NR3C2: variants seen among roughly 807,000 people sequenced by gnomAD.
NR3C2 encodes the protein mineralocorticoid receptor.
NR3C2 carries 15 observed loss-of-function variants against 86.4 expected under a neutral mutation model. The ratio of observed to expected loss-of-function variants is 0.17; its 90% CI spans 0.12 to 0.27. The LOEUF (loss-of-function observed/expected upper bound fraction) is 0.27, where lower values mean the gene tolerates loss of function less well. NR3C2 is among the 10% of genes least tolerant of loss of function. The pLI is 1.00. For synonymous variants in NR3C2, 458 were observed against 450.5 expected (o/e 1.02, Z -0.21); for missense variants, 960 against 1,195.6 (o/e 0.80, Z 2.91).
intron 2 of NR3C2, among the ~76,000 whole-genome samples, chr4:148,421,045 G>A (rs1749257181): frequency 6.6e-6 from 1 of 152,130 alleles, no homozygotes; most frequent in African/African-American, 2.4e-5. Flanking sequence ...ATACACCCAG[G>A]ACTAGGCTTT....
At chr4:148,345,257 A>T (rs934061664) in intron 2 of NR3C2, among the ~76,000 whole-genome samples, 5 of 151,970 alleles carry the variant, frequency 3.3e-5, no homozygotes, top group African/African-American at 1.2e-4. Context: ...GTTTTTTTTT[A>T]ATTTCAGAGA....
intron 2 of NR3C2, among the ~76,000 whole-genome samples, chr4:148,294,119 G>A (rs1252148816): frequency 6.6e-6 from 1 of 152,040 alleles, no homozygotes; most frequent in African/African-American, 2.4e-5. Context: ...TATCTCCATG[G>A]GCAAAAGGAG....
intron 3 of NR3C2, among the ~76,000 whole-genome samples, chr4:148,259,642 G>A (rs998692174): frequency 6.6e-6 from 1 of 152,144 alleles, no homozygotes; most frequent in African/African-American, 2.4e-5. Context: ...TGTATTCTGT[G>A]TGTGCCTAGT....
rs772532598 is a variant in NR3C2, at chr4:148,435,466, G to T, written c.1395C>A (p.Asp465Glu). ...GSYFSFMDDK[D>E]YYSLSGILGP... ...CTAAAATTCCTGATAGGGAATAATA[G>T]TCTTTATCATCCATAAAGGAAAAAT... The change falls in exon 2 of 9, where the codon GAC becomes GAA. Residue 465 changes from aspartate to glutamate, a missense_variant. By Grantham distance (45) the Asp-to-Glu change is conservative. Coordinates refer to ENST00000358102, the MANE Select transcript of NR3C2 (RefSeq NM_000901.5). 1 of 1,614,018 alleles carries T rather than the reference G, an allele frequency of 6.2e-7. No homozygotes were observed. The highest frequency in any genetic ancestry group is 8.5e-7 in the Non-Finnish European group (1 of 1,180,022).
chr4:148,378,125 C>T (rs1746771195), intron 2 of NR3C2, among the ~76,000 whole-genome samples: 1 of 152,098 alleles, frequency 6.6e-6, no homozygotes, highest in African/African-American at 2.4e-5. Flanking sequence ...TGAGTATGAA[C>T]CAGGAAGATT....
intron 8 of NR3C2, among the ~76,000 whole-genome samples, chr4:148,094,864 C>T (rs1291135445): frequency 6.6e-6 from 1 of 151,698 alleles, no homozygotes; most frequent in Non-Finnish European, 1.5e-5. Context: ...TATTATTCAG[C>T]CTCAAAAAGA....
intron 8 of NR3C2, among the ~76,000 whole-genome samples, chr4:148,097,741 GTTTTTTTTTGT>G (rs869069438): frequency 3.7e-5 from 4 of 107,502 alleles, no homozygotes; most frequent in East Asian, 2.4e-4. Flanking sequence ...ACTTTTTTGC[GTTTTTTTTTGT>G]TTTTTTTTTT....
At chr4:148,193,089 G>A (rs372990383) in intron 4 of NR3C2, among the ~76,000 whole-genome samples, 3 of 152,170 alleles carry the variant, frequency 2.0e-5, no homozygotes, top group Admixed American at 6.5e-5. Flanking sequence ...CCACCCTCCC[G>A]ATGGATCCCT....
At chr4:148,417,378 A>G (rs1297436076) in intron 2 of NR3C2, among the ~76,000 whole-genome samples, 2 of 152,190 alleles carry the variant, frequency 1.3e-5, no homozygotes, top group Admixed American at 1.3e-4. Context: ...CAAGAGTCAG[A>G]TATGTGTTCA....
Position 148,120,185 on chromosome 4 carries a change from T to C in NR3C2, c.2614A>G (p.Met872Val). ...GTGCTTAGTAGCAGCAAAACTTTCATGATGGTGTATTCTTCAAAGGTGAGC... is the reference window on the plus strand; with the variant it reads ...GTGCTTAGTAGCAGCAAAACTTTCACGATGGTGTATTCTTCAAAGGTGAGC... Reference protein sequence around the residue: ...LQLTFEEYTIMKVLLLLSTIP... With the variant: ...LQLTFEEYTIVKVLLLLSTIP... The change falls in exon 7 of 9, where the codon ATG becomes GTG. Residue 872 changes from methionine (M) to valine (V), a missense_variant. Met to Val is a conservative substitution (Grantham distance 21). Transcript: ENST00000358102. 1 of 1,614,168 alleles carries C rather than the reference T, an allele frequency of 6.2e-7. No homozygotes were observed. Among genetic ancestry groups the C allele is most frequent in the Non-Finnish European group, 8.5e-7 (1 of 1,180,004 alleles).
intron 3 of NR3C2, among the ~76,000 whole-genome samples, chr4:148,229,808 C>T (rs770072841): frequency 5.9e-5 from 9 of 152,158 alleles, no homozygotes; most frequent in Non-Finnish European, 1.2e-4. Context: ...GTTAAAGGGA[C>T]ATTGTAGTGG....
intron 2 of NR3C2, among the ~76,000 whole-genome samples, chr4:148,295,534 G>A (rs1742006018): frequency 6.8e-6 from 1 of 147,702 alleles, no homozygotes; most frequent in South Asian, 2.2e-4. Flanking sequence ...CATCTAGAAT[G>A]TCTTCTTCTG....
intron 2 of NR3C2, among the ~76,000 whole-genome samples, chr4:148,379,692 T>G (rs895662632): frequency 1.3e-5 from 2 of 152,228 alleles, no homozygotes; most frequent in Non-Finnish European, 2.9e-5. Context: ...CCTTCCATTT[T>G]CTAATGATGC....
At chr4:148,199,080 C>CAAAAAAA in intron 3 of NR3C2, among the ~76,000 whole-genome samples, 1 of 37,506 alleles carries the variant, frequency 2.7e-5, no homozygotes, top group African/African-American at 9.8e-5. Flanking sequence ...GACTCCATCT[C>CAAAAAAA]AAAAAAAAAA....
intron 2 of NR3C2, among the ~76,000 whole-genome samples, chr4:148,371,988 C>T (rs533319839): frequency 1.3e-5 from 2 of 152,244 alleles, no homozygotes; most frequent in South Asian, 4.1e-4. Context: ...ATACCAACTA[C>T]AGTTGGCCTC....
At chr4:148,265,655 T>C (rs1008191997) in intron 2 of NR3C2, among the ~76,000 whole-genome samples, 5 of 152,232 alleles carry the variant, frequency 3.3e-5, no homozygotes, top group African/African-American at 1.2e-4. Context: ...AGATAAAAGC[T>C]TCTACCACCA....
chr4:148,148,371 C>T (rs917861967), intron 6 of NR3C2, among the ~76,000 whole-genome samples: 1 of 152,236 alleles, frequency 6.6e-6, no homozygotes, highest in Non-Finnish European at 1.5e-5. Context: ...CCAACATCTG[C>T]TCTGACTCAC....
chr4:148,394,829 T>C (rs1362666312), intron 2 of NR3C2, among the ~76,000 whole-genome samples: 3 of 152,176 alleles, frequency 2.0e-5, no homozygotes, highest in Non-Finnish European at 2.9e-5. Context: ...CTGAGATTAC[T>C]TGAAAGATGG....
At chr4:148,218,768 T>C (rs947501187) in intron 3 of NR3C2, among the ~76,000 whole-genome samples, 6 of 152,210 alleles carry the variant, frequency 3.9e-5, no homozygotes, top group African/African-American at 1.2e-4. Flanking sequence ...TCATATAATA[T>C]GGAGTATTTT....
Sources: gnomAD v4.1 joint callset for allele counts (sites outside exome capture counted in the v4.1 genomes callset) on GRCh38, gnomAD v4.1.1 for gene constraint, MANE v1.5 for transcripts, NCBI Gene and HGNC (gene_info 2026-07-23, HGNC 2026-07-21) for gene names.